The following IKBKB variants were observed in gnomAD, a reference collection of about 807,000 sequenced individuals.
The protein encoded by IKBKB is inhibitor of nuclear factor kappa B kinase subunit beta, also known as inhibitor of nuclear factor kappa-B kinase subunit beta.
In IKBKB, 42 loss-of-function variants were observed where a neutral mutation model predicts 113.6. The ratio of observed to expected loss-of-function variants is 0.37; its 90% CI spans 0.29 to 0.48. The LOEUF (loss-of-function observed/expected upper bound fraction) is 0.48. Among genes scored for constraint, IKBKB ranks in the 20% least tolerant of loss-of-function variants. The pLI is 0.99. For missense variants in IKBKB, 673 were observed against 939.7 expected, an observed-to-expected ratio of 0.72 and a Z score of 3.71; for synonymous variants, 296 against 361.3, an observed-to-expected ratio of 0.82 and a Z score of 2.05.
intron 19 of IKBKB, 137 bp from the exon 20 acceptor site, chr8:42,325,830 TGGG>T (rs1820634420): frequency 1.3e-6 from 2 of 1,489,240 alleles, no homozygotes; most frequent in Non-Finnish European, 1.8e-6. Flanking sequence ...GACCCGCAGG[TGGG>T]GGTGCCAACT....
rs1585701728 is a variant in IKBKB, at chr8:42,306,257, T to C, written c.478-86T>C. The C allele has an allele frequency of 8.4e-6, 7 of 828,990 alleles. No individual in the cohort carries two copies. The East Asian group carries it at 1.8e-4, about 21-fold the overall frequency. 51.4% of individuals were successfully genotyped at this position (828,990 alleles called of 1,614,324 possible). A position where few individuals can be genotyped will look rare whatever the true frequency, so the allele number is the denominator to read the frequency against. Reference sequence around the variant, plus strand: ...TAGTACCTGGGAATTCAGAAATACCTCTGCTCTAACACCAGGCAGTCAGAA... The same window carrying C: ...TAGTACCTGGGAATTCAGAAATACCCCTGCTCTAACACCAGGCAGTCAGAA... On this transcript the variant is annotated intron_variant, in intron 6 of 21. Coordinates refer to ENST00000520810, the MANE Select transcript of IKBKB (RefSeq NM_001556.3).
At chr8:42,325,466 G>A in intron 19 of IKBKB, 1 of 904,052 alleles carries the variant, frequency 1.1e-6, no homozygotes, top group Non-Finnish European at 1.3e-6. Context: ...ATCACCTGAG[G>A]TCAGGAGTTC....
At chr8:42,272,021 C>T (rs1363660293) in intron 1 of IKBKB, 62 bp from the exon 2 acceptor site, 3 of 1,517,584 alleles carry the variant, frequency 2.0e-6, no homozygotes, top group Middle Eastern at 2.2e-4. Flanking sequence ...CCTTCTCCAT[C>T]CCTTTGAGCT....
chr8:42,326,119 C>T, intron 20 of IKBKB, 22 bp downstream of exon 20: 3 of 1,613,700 alleles, frequency 1.9e-6, no homozygotes, highest in Non-Finnish European at 2.5e-6. Flanking sequence ...TTAGCAGTGC[C>T]AAGTGTGACC....
chr8:42,303,740 C>G (rs112407182), intron 5 of IKBKB, among the ~76,000 whole-genome samples: 17 of 152,338 alleles, frequency 1.1e-4, no homozygotes, highest in Admixed American at 9.2e-4. Context: ...CTCCTGACCT[C>G]AGGTGATTCG....
chr8:42,310,103 G>A (rs529340465), intron 8 of IKBKB, among the ~76,000 whole-genome samples: 2 of 152,098 alleles, frequency 1.3e-5, no homozygotes, highest in Non-Finnish European at 2.9e-5. Flanking sequence ...AGAAATAAAA[G>A]TTAATTATTA....
chr8:42,285,734 C>T (rs1379516350), intron 2 of IKBKB, among the ~76,000 whole-genome samples: 5 of 152,186 alleles, frequency 3.3e-5, no homozygotes, highest in Non-Finnish European at 5.9e-5. Context: ...GAGGGGGTCT[C>T]CCATAGTCAC....
chr8:42,325,655 G>A (rs1211347402), intron 19 of IKBKB: 1 of 1,081,250 alleles, frequency 9.2e-7, no homozygotes, highest in Non-Finnish European at 1.1e-6. Context: ...TTCAGCCCAG[G>A]CGACAGAGCA....
In IKBKB at chr8:42,322,051, C is replaced by T; in HGVS notation, c.1739-3C>T. 1.2e-6 allele frequency: 2 copies of T among 1,613,396 alleles called. No homozygotes were observed. The highest frequency in any genetic ancestry group is 8.5e-7 in the Non-Finnish European group (1 of 1,179,416). ...GGAACTATGCTACCCTCCCTCTCTCCAGACCAGCGAACTGAGGGTGACAGT... is the reference window on the plus strand; with the variant it reads ...GGAACTATGCTACCCTCCCTCTCTCTAGACCAGCGAACTGAGGGTGACAGT... On this transcript the variant is annotated splice_region_variant and splice_polypyrimidine_tract_variant and intron_variant, in intron 17 of 21. Coordinates refer to ENST00000520810, the MANE Select transcript of IKBKB (RefSeq NM_001556.3).
At chr8:42,323,989 G>C (rs2130698020) in intron 19 of IKBKB, among the ~76,000 whole-genome samples, 1 of 152,312 alleles carries the variant, frequency 6.6e-6, no homozygotes, top group Middle Eastern at 3.4e-3. Flanking sequence ...GGCAGGAAGG[G>C]CTAGGAAGCA....
chr8:42,271,551 CTG>C (rs1807725849), intron 1 of IKBKB, 82 bp downstream of exon 1: 2 of 574,900 alleles, frequency 3.5e-6, no homozygotes, highest in South Asian at 2.1e-5. Flanking sequence ...GAAGACCCCT[CTG>C]TGCCGCTGGG....
intron 4 of IKBKB, among the ~76,000 whole-genome samples, chr8:42,293,091 C>T (rs536878581): frequency 6.6e-6 from 1 of 152,124 alleles, no homozygotes; most frequent in African/African-American, 2.4e-5. Flanking sequence ...CAGCCTGGCC[C>T]GTCTCTAGGA....
In IKBKB at chr8:42,316,735, C is replaced by T. The variant is rs762966170; in HGVS notation, c.956C>T (p.Thr319Met). 26 of 1,613,268 alleles carry T rather than the reference C, an allele frequency of 1.6e-5. No homozygotes were observed. In the South Asian group the frequency reaches 2.1e-4, roughly 13 times the overall value. The change falls in exon 11 of 22, where the codon ACG becomes ATG. Residue 319 changes from threonine (T) to methionine (M), a missense_variant. Thr to Met is a moderately conservative substitution (Grantham distance 81). This residue lies in a region of IKBKB where 506 missense variants were observed against 638.7 expected (regional missense o/e 0.79). Coordinates refer to ENST00000520810, the MANE Select transcript of IKBKB (RefSeq NM_001556.3). This position sits in a 1 kb window ranked among gnomAD's most constrained non-coding sequence, Gnocchi z 4.5. ...LKLVHILNMV[T>M]GTIHTYPVTE... The stretch of plus-strand genomic sequence containing the variant: ...CTGGTTCATATCTTGAACATGGTCA[C>T]GGGCACCATCCACACCTACCCTGTG...
In IKBKB at chr8:42,330,928, C is replaced by A. The variant is rs1441740528; in HGVS notation, c.2220C>A (p.Ser740Arg). ...TTGACTTTCAGGCCCTAGACTGGAG[C>A]TGGTTACAGACGGAAGAAGAAGAGC... Reference protein sequence around the residue: ...QDQSFTALDWSWLQTEEEEHS... With the variant: ...QDQSFTALDWRWLQTEEEEHS... The change falls in exon 22 of 22, where the codon AGC becomes AGA. Residue 740 changes from serine to arginine, a missense_variant. This residue lies in a region of IKBKB where 506 missense variants were observed against 638.7 expected (regional missense o/e 0.79). Coordinates refer to ENST00000520810, the MANE Select transcript of IKBKB (RefSeq NM_001556.3). The A allele has an allele frequency of 6.2e-7, 1 of 1,614,180 alleles. No individual in the cohort carries two copies. Among genetic ancestry groups the A allele is most frequent in the East Asian group, 2.2e-5 (1 of 44,886 alleles).
Position 42,314,295 on chromosome 8 carries a change from T to A in IKBKB, c.693-27T>A, listed in dbSNP as rs201904547. ...TGTCCCCGTCATAGCAACGTGTGAC[T>A]GCACCTAACAAGATTCATATTTGCA... On this transcript the variant is annotated intron_variant, in intron 8 of 21. Coordinates refer to ENST00000520810, the MANE Select transcript of IKBKB (RefSeq NM_001556.3). The A allele has an allele frequency of 8.0e-6, 12 of 1,491,826 alleles. No homozygotes were observed. The African/African-American group carries it at 1.5e-4, about 19-fold the overall frequency. 92.4% of individuals were successfully genotyped at this position (1,491,826 alleles called of 1,614,324 possible). A position where few individuals can be genotyped will look rare whatever the true frequency, so the allele number is the denominator to read the frequency against.
At position 42,297,490 on chromosome 8, in the gene IKBKB, G is replaced by A. The variant is rs555930650; in HGVS notation, c.388+3978G>A. ...GTTGGCCCCTACTCTCTTCTGTGCCGCTAACCTCCCAGAGACACCCGCTCA... is the reference window on the plus strand; with the variant it reads ...GTTGGCCCCTACTCTCTTCTGTGCCACTAACCTCCCAGAGACACCCGCTCA... On this transcript the variant is annotated intron_variant, in intron 5 of 21. Coordinates refer to ENST00000520810, the MANE Select transcript of IKBKB (RefSeq NM_001556.3). Among the ~76,000 whole-genome samples, 16 of 152,246 alleles carry A rather than the reference G, an allele frequency of 1.1e-4. No homozygotes were observed. The South Asian group carries it at 2.7e-3, about 26-fold the overall frequency.
Position 42,271,357 on chromosome 8 carries a change from A to AT in IKBKB, c.-129dup. On this transcript the variant is annotated 5_prime_UTR_variant, in exon 1 of 22. Coordinates refer to ENST00000520810, the MANE Select transcript of IKBKB (RefSeq NM_001556.3). ...GTCGCGCCGCGCTGCCCGCGTTAAGATTCCCGCATTTTAATGTTTTCAGGG... is the reference window on the plus strand; with the variant it reads ...GTCGCGCCGCGCTGCCCGCGTTAAGATTTCCCGCATTTTAATGTTTTCAGGG... The AT allele has an allele frequency of 7.0e-7, 1 of 1,424,092 alleles. No homozygotes were observed. Among genetic ancestry groups the AT allele is most frequent in the Non-Finnish European group, 9.6e-7 (1 of 1,045,888 alleles). The allele number at this position is 1,424,092 out of a possible 1,614,324, so 88.2% of individuals were successfully genotyped here.
At position 42,317,754 on chromosome 8, in the gene IKBKB, A is replaced by G; in HGVS notation, c.1223A>G (p.Glu408Gly). The change falls in exon 12 of 22, where the codon GAA (glutamate) becomes GGA (glycine). Residue 408 changes from glutamate (E) to glycine (G), a missense_variant. By Grantham distance (98) the Glu-to-Gly change is moderately conservative (BLOSUM62 -2). Around this residue, in one of 2 missense-constraint regions of IKBKB, gnomAD observed 506 missense variants for 638.7 expected, o/e 0.79. Coordinates refer to ENST00000520810, the MANE Select transcript of IKBKB (RefSeq NM_001556.3). ...ETQISPRPQP[E>G]SVSCILQEPK... ...CAGATCTCCCCACGGCCCCAACCTGAAAGTGTCAGCTGTATCCGTAAGAAT... is the reference window on the plus strand; with the variant it reads ...CAGATCTCCCCACGGCCCCAACCTGGAAGTGTCAGCTGTATCCGTAAGAAT... 1 of 1,609,492 alleles carries G rather than the reference A, an allele frequency of 6.2e-7. No homozygotes were observed.
chr8:42,271,693 G>A, intron 1 of IKBKB: 1 of 526,376 alleles, frequency 1.9e-6, no homozygotes, highest in Non-Finnish European at 3.3e-6. Context: ...CGATTTATGG[G>A]AACATTGTAA....
Sources: gnomAD v4.1 joint callset for allele counts (sites outside exome capture counted in the v4.1 genomes callset) on GRCh38, gnomAD v4.1.1 for gene constraint, gnomAD v4.1.1 regional missense constraint, Gnocchi (gnomAD v3.1) non-coding constraint, MANE v1.5 for transcripts, NCBI Gene and HGNC (gene_info 2026-07-23, HGNC 2026-07-21) for gene names.